Variants in SAMMSON observed in about 807,000 individuals in gnomAD.
SAMMSON encodes survival associated mitochondrial melanoma specific oncogenic non-coding RNA.
At chr3:70,150,079 A>T (rs1330718774) in intron 4 of SAMMSON, among the ~76,000 whole-genome samples, 2 of 152,050 alleles carry the variant, frequency 1.3e-5, no homozygotes, top group Admixed American at 6.6e-5. Flanking sequence ...ACTGAGTTTA[A>T]AACTTCACTG....
rs542247728 is a variant in SAMMSON, at chr3:70,126,819, G to A, written n.507+55254G>A. ...CAACCTCTGCCTCCTGGGTTCAAGC[G>A]ATCCTCCCACCTCAGCCTCCCAAGT... On this transcript the variant is annotated intron_variant and non_coding_transcript_variant, in intron 4 of 9. Transcript: ENST00000642114. 5.4e-4 allele frequency: 87 copies of A among 160,854 alleles called. 1 individual carries two copies. The highest frequency in any genetic ancestry group is 1.5e-3 in the South Asian group (8 of 5,508). The allele number at this position is 160,854 out of a possible 1,614,324, so 10.0% of individuals were successfully genotyped here. A position where few individuals can be genotyped will look rare whatever the true frequency, so the allele number is the denominator to read the frequency against.
At chr3:70,319,509 A>G (rs1377268163) in intron 7 of SAMMSON, among the ~76,000 whole-genome samples, 1 of 152,072 alleles carries the variant, frequency 6.6e-6, no homozygotes, top group East Asian at 1.9e-4. Context: ...TTTCCAATCA[A>G]TCACACAGTA....
At chr3:70,203,943 G>A (rs1701266722) in intron 4 of SAMMSON, among the ~76,000 whole-genome samples, 1 of 152,026 alleles carries the variant, frequency 6.6e-6, no homozygotes, top group Non-Finnish European at 1.5e-5. Context: ...ATTCAGGAAA[G>A]GGACCACACA....
intron 4 of SAMMSON, among the ~76,000 whole-genome samples, chr3:70,182,764 T>C (rs745874288): frequency 3.9e-5 from 6 of 152,190 alleles, no homozygotes; most frequent in Non-Finnish European, 8.8e-5. Flanking sequence ...TTTAGGGCAA[T>C]TGTGGCTTAG....
intron 3 of SAMMSON, among the ~76,000 whole-genome samples, chr3:70,055,157 G>C (rs1350916726): frequency 1.3e-5 from 2 of 151,918 alleles, no homozygotes; most frequent in Admixed American, 1.3e-4. Context: ...CAAGGGTTGG[G>C]GTGAAGAAGA....
At chr3:70,337,865 T>C (rs1702677730) in intron 7 of SAMMSON, among the ~76,000 whole-genome samples, 1 of 151,940 alleles carries the variant, frequency 6.6e-6, no homozygotes, top group South Asian at 2.1e-4. Flanking sequence ...TTATATGCCA[T>C]AGCTTTAATC....
At chr3:70,173,321 C>G (rs1700977782) in intron 4 of SAMMSON, among the ~76,000 whole-genome samples, 1 of 151,824 alleles carries the variant, frequency 6.6e-6, no homozygotes, top group African/African-American at 2.4e-5. Context: ...CTGCATTAAT[C>G]AATTGAGTTT....
chr3:70,147,430 G>A (rs556033845), intron 4 of SAMMSON, among the ~76,000 whole-genome samples: 1 of 152,112 alleles, frequency 6.6e-6, no homozygotes, highest in East Asian at 1.9e-4. Flanking sequence ...CTGTATAGCT[G>A]CAATAGTCAA....
At chr3:70,017,564 C>G (rs147626684) in intron 3 of SAMMSON, among the ~76,000 whole-genome samples, 8,880 of 152,134 alleles carry the variant, frequency 0.058, 361 homozygotes, top group South Asian at 0.13. Context: ...TCCTAATTGA[C>G]TACCCTTTAT....
intron 4 of SAMMSON, among the ~76,000 whole-genome samples, chr3:70,246,650 C>G (rs994793726): frequency 2.0e-5 from 3 of 151,986 alleles, no homozygotes; most frequent in African/African-American, 7.2e-5. Context: ...TTGACAACAA[C>G]CTACATTTAT....
At chr3:70,378,639 G>T (rs948151197) in intron 9 of SAMMSON, among the ~76,000 whole-genome samples, 1 of 151,902 alleles carries the variant, frequency 6.6e-6, no homozygotes, top group African/African-American at 2.4e-5. Flanking sequence ...ACCATTGAAG[G>T]GTTCCTGATA....
In SAMMSON at chr3:70,263,644, C is replaced by T. The variant is rs148232169; in HGVS notation, n.674+13974C>T. ...CATGTAGATGGTATTCAGCAAAAGA[C>T]TCAAGGGAGCCCTACGCAAATTTAT... On this transcript the variant is annotated intron_variant and non_coding_transcript_variant, in intron 6 of 9. Transcript: ENST00000642114. Among the ~76,000 whole-genome samples the T allele has an allele frequency of 4.3e-4, 66 of 152,306 alleles. 1 individual carries two copies. Among genetic ancestry groups the T allele is most frequent in the African/African-American group, 1.5e-3 (64 of 41,570 alleles).
At chr3:70,319,607 T>C (rs1702521807) in intron 7 of SAMMSON, among the ~76,000 whole-genome samples, 1 of 152,080 alleles carries the variant, frequency 6.6e-6, no homozygotes, top group South Asian at 2.1e-4. Context: ...AAATTTCACT[T>C]TATTTTAAGT....
intron 3 of SAMMSON, among the ~76,000 whole-genome samples, chr3:70,056,354 A>C (rs911788392): frequency 7.9e-5 from 12 of 152,056 alleles, no homozygotes; most frequent in Admixed American, 3.3e-4. Context: ...TTCATAAATA[A>C]ATGAAGAGGA....
intron 9 of SAMMSON, among the ~76,000 whole-genome samples, chr3:70,385,884 G>A (rs1703119931): frequency 6.6e-6 from 1 of 152,092 alleles, no homozygotes; most frequent in East Asian, 1.9e-4. Context: ...AGATTAACAA[G>A]TGTCAGATAA....
At chr3:70,276,229 A>G (rs1393467955) in intron 6 of SAMMSON, among the ~76,000 whole-genome samples, 4 of 152,170 alleles carry the variant, frequency 2.6e-5, no homozygotes, top group Non-Finnish European at 2.9e-5. Flanking sequence ...CTTGCAATAC[A>G]ATTTTTTACT....
intron 4 of SAMMSON, among the ~76,000 whole-genome samples, chr3:70,139,815 A>T (rs2067520570): frequency 6.6e-6 from 1 of 152,092 alleles, no homozygotes; most frequent in African/African-American, 2.4e-5. Context: ...TAGAGTGTGC[A>T]ATACATCTTA....
intron 4 of SAMMSON, among the ~76,000 whole-genome samples, chr3:70,112,955 G>A (rs1295881151): frequency 1.3e-5 from 2 of 152,138 alleles, no homozygotes; most frequent in Non-Finnish European, 2.9e-5. Context: ...AGTATTGAGT[G>A]CTTTCTATGA....
chr3:70,076,356 G>A (rs1159839803), intron 4 of SAMMSON, among the ~76,000 whole-genome samples: 1 of 152,106 alleles, frequency 6.6e-6, no homozygotes, highest in African/African-American at 2.4e-5. Context: ...TATAAATTGG[G>A]ATGACAAGGA....
Sources: allele counts gnomAD v4.1 joint callset (sites outside exome capture counted in the v4.1 genomes callset), GRCh38; gene constraint gnomAD v4.1.1; transcripts MANE v1.5; gene names NCBI Gene and HGNC (gene_info 2026-07-23, HGNC 2026-07-21).